Variants in SKAP2 observed in about 807,000 individuals in gnomAD.
SKAP2 encodes src kinase associated phosphoprotein 2.
SKAP2 carries 28 observed loss-of-function variants against 54.9 expected under a neutral mutation model. The ratio of observed to expected loss-of-function variants is 0.51; its 90% confidence interval spans 0.38 to 0.70. The LOEUF is 0.70. Among genes scored for constraint, SKAP2 ranks in the 30% least tolerant of loss-of-function variants. SKAP2 has a pLI of 0.00. For missense variants in SKAP2, 356 were observed against 424.1 expected (o/e 0.84, Z 1.41); for synonymous variants, 137 against 134.3 (o/e 1.02, Z -0.14).
chr7:26,782,781 C>G (rs971496449), intron 4 of SKAP2, among the ~76,000 whole-genome samples: 4 of 152,100 alleles, frequency 2.6e-5, no homozygotes, highest in African/African-American at 9.7e-5. Context: ...ATAAAAGAGG[C>G]CCTAGAGAGC....
intron 7 of SKAP2, among the ~76,000 whole-genome samples, chr7:26,726,307 C>A (rs1787707411): frequency 6.6e-6 from 1 of 152,146 alleles, no homozygotes; most frequent in Non-Finnish European, 1.5e-5. Flanking sequence ...TTTCTTTAGA[C>A]TGCTGCACAC....
At chr7:26,686,514 A>G (rs936428401) in intron 10 of SKAP2, among the ~76,000 whole-genome samples, 2 of 152,148 alleles carry the variant, frequency 1.3e-5, no homozygotes, top group Non-Finnish European at 2.9e-5. Context: ...TTTTTCCCCA[A>G]AGCATATATT....
At chr7:26,804,848 T>A (rs1210117635) in intron 4 of SKAP2, among the ~76,000 whole-genome samples, 6 of 151,780 alleles carry the variant, frequency 4.0e-5, no homozygotes, top group Non-Finnish European at 8.8e-5. Flanking sequence ...CATCAACTAG[T>A]AAAAAGAAAA....
At chr7:26,847,735 C>G (rs898936582) in intron 3 of SKAP2, among the ~76,000 whole-genome samples, 2 of 152,148 alleles carry the variant, frequency 1.3e-5, no homozygotes, top group Non-Finnish European at 2.9e-5. Context: ...GTGCCACTGA[C>G]AATAGCATAA....
At chr7:26,754,972 A>G (rs1782759234) in intron 4 of SKAP2, among the ~76,000 whole-genome samples, 1 of 152,242 alleles carries the variant, frequency 6.6e-6, no homozygotes, top group South Asian at 2.1e-4. Context: ...GCATAACACA[A>G]GTTATTCCTA....
intron 10 of SKAP2, among the ~76,000 whole-genome samples, chr7:26,685,139 T>C (rs979594879): frequency 6.6e-6 from 1 of 152,138 alleles, no homozygotes; most frequent in Non-Finnish European, 1.5e-5. Context: ...TAAAAGTTGC[T>C]TCCCACTTAT....
In SKAP2 at chr7:26,668,668, T is replaced by G. The variant is rs1034873850; in HGVS notation, c.*998A>C. 7 of 150,526 alleles carry G rather than the reference T, an allele frequency of 4.7e-5. No individual in the cohort carries two copies. Among genetic ancestry groups the G allele is most frequent in the South Asian group, 2.1e-4 (1 of 4,690 alleles). 9.3% of individuals were successfully genotyped at this position (150,526 alleles called of 1,614,324 possible). A position where few individuals can be genotyped will look rare whatever the true frequency, so the allele number is the denominator to read the frequency against. ...GAGAATACACTGAGATTCTGTTTTTTTTTTTTTTTTTTTCTGAGATGGAGT... is the reference window on the plus strand; with the variant it reads ...GAGAATACACTGAGATTCTGTTTTTGTTTTTTTTTTTTTCTGAGATGGAGT... On this transcript the variant is annotated 3_prime_UTR_variant, in exon 13 of 13. Transcript: ENST00000345317.
chr7:26,808,153 G>C (rs1784067600), intron 4 of SKAP2, among the ~76,000 whole-genome samples: 1 of 152,122 alleles, frequency 6.6e-6, no homozygotes, highest in African/African-American at 2.4e-5. Context: ...CATCTGTATA[G>C]GGCTGTGGTC....
intron 4 of SKAP2, among the ~76,000 whole-genome samples, chr7:26,750,651 G>C (rs149400246): frequency 1.6e-3 from 244 of 152,152 alleles, no homozygotes; most frequent in African/African-American, 5.6e-3. Flanking sequence ...TGTTTCATCT[G>C]TAAGATTTTG....
chr7:26,843,974 T>C lies in SKAP2; in HGVS notation c.307+56A>G. The C allele has an allele frequency of 6.5e-6, 7 of 1,071,444 alleles. No homozygotes were observed. In the Admixed American group the frequency reaches 1.0e-4, roughly 16 times the overall value. The allele number at this position is 1,071,444 out of a possible 1,614,324, so 66.4% of individuals were successfully genotyped here. A position where few individuals can be genotyped will look rare whatever the true frequency, so the allele number is the denominator to read the frequency against. On this transcript the variant is annotated intron_variant, in intron 4 of 12. Coordinates refer to ENST00000345317, the MANE Select transcript of SKAP2 (RefSeq NM_003930.5). ...TGCTTTCTCATAAAACTACCACCCA[T>C]ATATATAGCATTGTTTTGTGTGAGT... is the stretch of plus-strand genomic sequence containing the variant.
At chr7:26,763,676 TAAC>T (rs1318081150) in intron 4 of SKAP2, among the ~76,000 whole-genome samples, 2 of 152,186 alleles carry the variant, frequency 1.3e-5, no homozygotes, top group Non-Finnish European at 2.9e-5. Flanking sequence ...ATGCATCACT[TAAC>T]AACAGGGATA....
chr7:26,715,249 T>C (rs1186967841), intron 9 of SKAP2, among the ~76,000 whole-genome samples: 1 of 152,154 alleles, frequency 6.6e-6, no homozygotes, highest in African/African-American at 2.4e-5. Context: ...TGTAAACATA[T>C]GTATGTGACT....
At chr7:26,752,783 A>C (rs116022877) in intron 4 of SKAP2, among the ~76,000 whole-genome samples, 4,064 of 152,266 alleles carry the variant, frequency 0.027, 178 homozygotes, top group African/African-American at 0.093. Context: ...GATGAAGATC[A>C]TCTTAACACA....
chr7:26,672,415 G>A (rs1429534624), intron 11 of SKAP2, among the ~76,000 whole-genome samples: 5 of 151,850 alleles, frequency 3.3e-5, no homozygotes, highest in African/African-American at 1.2e-4. Flanking sequence ...TAAACAGCAG[G>A]GAGGAGCTTA....
chr7:26,663,216 T>A (rs924799954), downstream of SKAP2, among the ~76,000 whole-genome samples: 2 of 152,126 alleles, frequency 1.3e-5, no homozygotes, highest in Non-Finnish European at 2.9e-5. Flanking sequence ...TCTTGGGCTA[T>A]AAGACAGTCA....
chr7:26,730,326 T>C (rs779464086), intron 6 of SKAP2, among the ~76,000 whole-genome samples: 6 of 152,166 alleles, frequency 3.9e-5, no homozygotes, highest in Non-Finnish European at 7.4e-5. Context: ...AAATAGGAAA[T>C]AAAGCTATAA....
chr7:26,663,582 CAT>C (rs1382525404), downstream of SKAP2, among the ~76,000 whole-genome samples: 3 of 152,160 alleles, frequency 2.0e-5, no homozygotes, highest in Non-Finnish European at 1.5e-5. Flanking sequence ...CAAAATTATA[CAT>C]GTTTTACAAT....
At chr7:26,814,142 C>CA (rs3842174) in intron 4 of SKAP2, among the ~76,000 whole-genome samples, 32,262 of 152,030 alleles carry the variant, frequency 0.21, 3,485 homozygotes, top group Non-Finnish European at 0.24. Flanking sequence ...TTTTGTTTAA[C>CA]AAAAGCACAA....
intron 6 of SKAP2, among the ~76,000 whole-genome samples, chr7:26,730,170 C>T (rs1289610281): frequency 6.6e-6 from 1 of 152,194 alleles, no homozygotes; most frequent in Non-Finnish European, 1.5e-5. Context: ...CCTCCTTTCA[C>T]ATTAGTTTCT....
Sources: gnomAD v4.1 joint callset for allele counts (sites outside exome capture counted in the v4.1 genomes callset) on GRCh38, gnomAD v4.1.1 for gene constraint, MANE v1.5 for transcripts, NCBI Gene and HGNC (gene_info 2026-07-23, HGNC 2026-07-21) for gene names.